CERS3: variants seen among roughly 807,000 people sequenced by gnomAD.
The protein encoded by CERS3 is LAG1 homolog, ceramide synthase 3.
CERS3 carries 33 observed loss-of-function variants against 50.3 expected under a neutral mutation model. That is an observed-to-expected ratio of 0.66 (90% confidence interval 0.50 to 0.88). The LOEUF (loss-of-function observed/expected upper bound fraction) is 0.88, where lower values mean the gene tolerates loss of function less well. Among genes scored for constraint, CERS3 ranks in the 40% least tolerant of loss-of-function variants. The pLI is 0.00. For missense variants in CERS3, 470 were observed against 460.3 expected, an observed-to-expected ratio of 1.02 and a Z score of -0.19; for synonymous variants, 176 against 155.2, an observed-to-expected ratio of 1.13 and a Z score of -0.99.
At chr15:100,507,712 T>A (rs1453371110) in intron 2 of CERS3, among the ~76,000 whole-genome samples, 23 of 152,268 alleles carry the variant, frequency 1.5e-4, no homozygotes, top group Admixed American at 1.5e-3. Flanking sequence ...AAGGGGGCCA[T>A]TCTCCATCTG....
At chr15:100,473,964 G>A (rs1349665841) in intron 8 of CERS3, among the ~76,000 whole-genome samples, 2 of 152,152 alleles carry the variant, frequency 1.3e-5, no homozygotes, top group East Asian at 3.9e-4. Context: ...AAGTAATGAT[G>A]TACTGATACA....
chr15:100,541,152 G>A (rs926188921), intron 1 of CERS3, among the ~76,000 whole-genome samples: 3 of 152,102 alleles, frequency 2.0e-5, no homozygotes, highest in Admixed American at 2.0e-4. Context: ...GTGGCAAGCA[G>A]CAAATGCTGG....
chr15:100,442,485 C>T (rs1398919626), intron 11 of CERS3, among the ~76,000 whole-genome samples: 1 of 152,224 alleles, frequency 6.6e-6, no homozygotes, highest in Non-Finnish European at 1.5e-5. Flanking sequence ...ACATCTCCAG[C>T]ACACAAGAAC....
At chr15:100,536,739 T>C (rs771850468) in intron 1 of CERS3, among the ~76,000 whole-genome samples, 5 of 152,216 alleles carry the variant, frequency 3.3e-5, no homozygotes, top group Non-Finnish European at 7.3e-5. Flanking sequence ...ATATCCACAA[T>C]TCCTTTACTG....
At chr15:100,455,661 A>G (rs12592841) in intron 11 of CERS3, among the ~76,000 whole-genome samples, 1 of 152,052 alleles carries the variant, frequency 6.6e-6, no homozygotes, top group South Asian at 2.1e-4. Context: ...TTGACATTTT[A>G]AAAATGTCAA....
intron 2 of CERS3, among the ~76,000 whole-genome samples, chr15:100,512,438 A>G (rs1270615877): frequency 2.0e-5 from 3 of 152,112 alleles, no homozygotes; most frequent in Non-Finnish European, 4.4e-5. Flanking sequence ...CCAGGGAGAT[A>G]CCTGCTAATG....
At chr15:100,499,497 T>C (rs2035933431) in intron 3 of CERS3, among the ~76,000 whole-genome samples, 1 of 152,214 alleles carries the variant, frequency 6.6e-6, no homozygotes, top group African/African-American at 2.4e-5. Context: ...TGTCTGTCTC[T>C]CTCTTCTTGA....
intron 2 of CERS3, among the ~76,000 whole-genome samples, chr15:100,510,921 A>C (rs540019202): frequency 7.9e-5 from 12 of 152,374 alleles, no homozygotes; most frequent in African/African-American, 2.9e-4. Flanking sequence ...AATGGAAAAG[A>C]TAAGTAAACA....
intron 11 of CERS3, among the ~76,000 whole-genome samples, chr15:100,450,409 T>G (rs1353183634): frequency 1.1e-5 from 1 of 95,154 alleles, no homozygotes. Context: ...ACAGCAAGAC[T>G]CTGTCTCAAA....
chr15:100,458,250 T>C (rs2034438029), intron 10 of CERS3, among the ~76,000 whole-genome samples: 2 of 152,208 alleles, frequency 1.3e-5, no homozygotes, highest in South Asian at 4.1e-4. Context: ...GCTTAGTAGC[T>C]CTATTTCTTC....
chr15:100,504,121 A>G (rs577315339), intron 2 of CERS3, among the ~76,000 whole-genome samples: 1 of 152,206 alleles, frequency 6.6e-6, no homozygotes, highest in East Asian at 1.9e-4. Flanking sequence ...AACCCTGGTG[A>G]GATAATTCCG....
chr15:100,435,872 A>G (rs1033573822), intron 11 of CERS3, among the ~76,000 whole-genome samples: 2 of 152,254 alleles, frequency 1.3e-5, no homozygotes, highest in Admixed American at 6.5e-5. Flanking sequence ...CATTTGAAAA[A>G]GAGCTCATCA....
chr15:100,456,016 C>T lies in CERS3; in HGVS notation c.876G>A (p.Met292Ile), dbSNP rs934550883. Residue 292 changes from methionine (M) to isoleucine (I), a missense_variant, in exon 11 of 12, where the codon ATG (methionine) becomes ATA (isoleucine). Physicochemically the swap from Met to Ile is conservative, Grantham distance 10 (BLOSUM62 1). Coordinates refer to ENST00000679737, the MANE Select transcript of CERS3 (RefSeq NM_001378789.1). ...ATGAAAAGAAAGGCTCGAGGTGATA[C>T]ATAGGCAAGATCAGCGTGCAATATA... ...WILYCTLILP[M>I]YHLEPFFSYI... 1.2e-6 allele frequency: 2 copies of T among 1,612,148 alleles called. No homozygotes were observed. The highest frequency in any genetic ancestry group is 1.7e-6 in the Non-Finnish European group (2 of 1,179,064).
At chr15:100,477,091 A>T (rs560267518) in intron 7 of CERS3, among the ~76,000 whole-genome samples, 1 of 152,228 alleles carries the variant, frequency 6.6e-6, no homozygotes, top group Non-Finnish European at 1.5e-5. Context: ...CATGGAGCAG[A>T]AACACTGCCT....
chr15:100,436,813 A>C (rs1274391046), intron 11 of CERS3, among the ~76,000 whole-genome samples: 1 of 152,158 alleles, frequency 6.6e-6, no homozygotes, highest in Admixed American at 6.5e-5. Flanking sequence ...TTTCCATCAG[A>C]GGTCAGTTTG....
chr15:100,467,742 TCATTC>T (rs1169784177), intron 10 of CERS3, among the ~76,000 whole-genome samples: 10,388 of 135,800 alleles, frequency 0.076, 466 homozygotes, highest in Middle Eastern at 0.12. Context: ...ATAATTGCTA[TCATTC>T]TCTCTCTCTC....
Position 100,427,941 on chromosome 15 carries a change from C to G in CERS3, c.1000-25076G>C, listed in dbSNP as rs375960266. Among the ~76,000 whole-genome samples, 20 of 152,280 alleles carry G rather than the reference C, an allele frequency of 1.3e-4. No homozygotes were observed. The South Asian group carries it at 1.9e-3, about 14-fold the overall frequency. On this transcript the variant is annotated intron_variant, in intron 11 of 11. Coordinates refer to ENST00000679737, the MANE Select transcript of CERS3 (RefSeq NM_001378789.1). ...GGTGAAAAAAGCAATGAGAGAGCCA[C>G]GTCACTAAGTGAATTAGAATGAATG...
intron 7 of CERS3, among the ~76,000 whole-genome samples, chr15:100,476,977 G>A (rs2035146775): frequency 6.6e-6 from 1 of 152,116 alleles, no homozygotes; most frequent in Non-Finnish European, 1.5e-5. Flanking sequence ...GAGAATCAAG[G>A]TGCTGATCGC....
chr15:100,505,199 C>T (rs1489965929), intron 2 of CERS3, among the ~76,000 whole-genome samples: 1 of 152,162 alleles, frequency 6.6e-6, no homozygotes, highest in African/African-American at 2.4e-5. Flanking sequence ...TAGGTTTCCC[C>T]CCCAATATTA....
Sources: allele counts gnomAD v4.1 joint callset (sites outside exome capture counted in the v4.1 genomes callset), GRCh38; gene constraint gnomAD v4.1.1; transcripts MANE v1.5; gene names NCBI Gene and HGNC (gene_info 2026-07-23, HGNC 2026-07-21).